Variants in ZXDC observed in about 807,000 individuals in gnomAD.
ZXDC encodes the protein zinc finger protein ZXDC.
ZXDC carries 58 observed loss-of-function variants against 63.6 expected under a neutral mutation model. The observed-to-expected ratio is 0.91, with a 90% CI of 0.74 to 1.13. ZXDC has a LOEUF of 1.13. Among genes scored for constraint, ZXDC ranks in the 50% most tolerant of loss-of-function variants. ZXDC has a pLI of 0.00. For missense variants in ZXDC, 1,133 were observed against 1,148.9 expected (o/e 0.99, Z 0.20); for synonymous variants, 561 against 496.1 (o/e 1.13, Z -1.74).
chr3:126,440,651 T>C, intron 8 of ZXDC: 1 of 986,320 alleles, frequency 1.0e-6, no homozygotes, highest in Non-Finnish European at 1.2e-6. Flanking sequence ...CCCCTGCTCC[T>C]GGGGAGTTCT....
chr3:126,438,797 G>A (rs1344634589), intron 9 of ZXDC, among the ~76,000 whole-genome samples: 4 of 152,266 alleles, frequency 2.6e-5, no homozygotes, highest in South Asian at 4.1e-4. Context: ...CAGGTATTAG[G>A]TGTCCGTCCG....
At chr3:126,443,857 T>C (rs150015398) in intron 7 of ZXDC, among the ~76,000 whole-genome samples, 67 of 152,336 alleles carry the variant, frequency 4.4e-4, no homozygotes, top group African/African-American at 1.4e-3. Context: ...AAACAAAATA[T>C]ATCAGAAACT....
intron 1 of ZXDC, 81 bp downstream of exon 1, chr3:126,474,877 AG>A (rs1016207504): frequency 1.4e-6 from 2 of 1,438,662 alleles, no homozygotes; most frequent in African/African-American, 2.8e-5. Context: ...AAGGTCTGGC[AG>A]GCCCCTCTGT....
At chr3:126,441,489 C>A in intron 8 of ZXDC, 1 of 1,212,614 alleles carries the variant, frequency 8.2e-7, no homozygotes, top group Non-Finnish European at 1.0e-6. Flanking sequence ...TACTCTGGGG[C>A]TAGACGCAGG....
intron 4 of ZXDC, among the ~76,000 whole-genome samples, chr3:126,470,693 T>C (rs562773137): frequency 2.0e-5 from 3 of 152,370 alleles, no homozygotes; most frequent in East Asian, 3.9e-4. Context: ...ATCAGGGCCA[T>C]GAGTCAAACT....
intron 7 of ZXDC, chr3:126,453,700 T>TC: frequency 1.0e-6 from 1 of 984,794 alleles, no homozygotes; most frequent in Non-Finnish European, 1.2e-6. Flanking sequence ...TTATTTTTTT[T>TC]CTTTTTTTTT....
At chr3:126,442,172 A>G (rs1933708993) in intron 7 of ZXDC, 2 of 456,698 alleles carry the variant, frequency 4.4e-6, no homozygotes, top group Non-Finnish European at 7.1e-6. Flanking sequence ...ATGTAAAAAC[A>G]TCATACGTAT....
intron 1 of ZXDC, among the ~76,000 whole-genome samples, chr3:126,473,250 A>T (rs78307249): frequency 1.2e-3 from 181 of 152,206 alleles, no homozygotes; most frequent in African/African-American, 4.1e-3. Context: ...CTGCCTTGGC[A>T]AGAACCCCCC....
In ZXDC at chr3:126,466,139, C is replaced by T. The variant is rs771967237; in HGVS notation, c.1441+16G>A. The stretch of plus-strand genomic sequence containing the variant: ...CAGGGAAGCAGCTCCCCATGGGGGC[C>T]GTGGAAAGTGCAGACCTTGGCGCCG... On this transcript the variant is annotated intron_variant, in intron 5 of 9. Coordinates refer to ENST00000389709, the MANE Select transcript of ZXDC (RefSeq NM_025112.5). 8.1e-6 allele frequency: 13 copies of T among 1,602,238 alleles called. No homozygotes were observed. Among genetic ancestry groups the T allele is most frequent in the South Asian group, 2.2e-5 (2 of 90,686 alleles).
Position 126,466,161 on chromosome 3 carries a change from G to T in ZXDC, c.1435C>A (p.Arg479Ser). The T allele has an allele frequency of 1.9e-6, 3 of 1,612,528 alleles. No individual in the cohort carries two copies. The highest frequency in any genetic ancestry group is 2.5e-6 in the Non-Finnish European group (3 of 1,179,074). Residue 479 changes from arginine (R) to serine (S), a missense_variant, in exon 5 of 10, where the codon CGC (arginine) becomes AGC (serine). By Grantham distance (110) the Arg-to-Ser change is moderately radical. Coordinates refer to ENST00000389709, the MANE Select transcript of ZXDC (RefSeq NM_025112.5). ...GGCCGTGGAAAGTGCAGACCTTGGC[G>T]CCGGCTGTGCTGTCTGACCATGTGC... ...KAHMVRQHSR[R>S]QDLLPQLEAP... is the part of the protein sequence containing the mutation.
intron 1 of ZXDC, 143 bp downstream of exon 1, chr3:126,474,816 A>C (rs1251889652): frequency 4.9e-6 from 5 of 1,014,056 alleles, no homozygotes; most frequent in Non-Finnish European, 7.0e-6. Flanking sequence ...ATCGAATGAC[A>C]TGGAAGGAGC....
At chr3:126,467,453 C>T (rs945115470) in intron 4 of ZXDC, among the ~76,000 whole-genome samples, 3 of 152,154 alleles carry the variant, frequency 2.0e-5, no homozygotes, top group Non-Finnish European at 4.4e-5. Flanking sequence ...GCAAGTGGTG[C>T]GAGCAACGAC....
At chr3:126,465,441 C>T (rs1303326662) in intron 5 of ZXDC, among the ~76,000 whole-genome samples, 1 of 152,230 alleles carries the variant, frequency 6.6e-6, no homozygotes, top group African/African-American at 2.4e-5. Context: ...CTCTCTAACC[C>T]TGCCCTCTCC....
intron 7 of ZXDC, 163 bp from the exon 8 acceptor site, chr3:126,442,109 G>A (rs1249403455): frequency 1.3e-6 from 1 of 764,268 alleles, no homozygotes; most frequent in African/African-American, 1.8e-5. Flanking sequence ...GAGTTAAGAG[G>A]TTGAAACAAA....
rs747068590 is a variant in ZXDC at position 126,438,386 on chromosome 3, C to T, written c.2566G>A (p.Asp856Asn). 3 of 1,613,198 alleles carry T rather than the reference C, an allele frequency of 1.9e-6. No individual in the cohort carries two copies. Among genetic ancestry groups the T allele is most frequent in the South Asian group, 1.1e-5 (1 of 90,724 alleles). ...QFPGSTINLQ[D>N]LQ ...GGCCGAGGCTGCCGTCACTGCAGAT[C>T]CTGCAGGTTGATAGTGCTTCCTGGG... Residue 856 changes from aspartate (D) to asparagine (N), a missense_variant, in exon 10 of 10, where the codon GAT becomes AAT. Physicochemically the swap from Asp to Asn is conservative, Grantham distance 23. Coordinates refer to ENST00000389709, the MANE Select transcript of ZXDC (RefSeq NM_025112.5).
intron 7 of ZXDC, among the ~76,000 whole-genome samples, chr3:126,455,990 A>C (rs1162292340): frequency 1.3e-5 from 2 of 151,180 alleles, no homozygotes. Flanking sequence ...ACAGAGCAAG[A>C]CTCCATCTCA....
intron 5 of ZXDC, among the ~76,000 whole-genome samples, chr3:126,463,830 T>A (rs1385324664): frequency 6.6e-6 from 1 of 152,216 alleles, no homozygotes; most frequent in East Asian, 1.9e-4. Flanking sequence ...TTTATATTTT[T>A]AATAATGCAA....
chr3:126,450,250 C>T (rs754658721), intron 7 of ZXDC: 39 of 441,334 alleles, frequency 8.8e-5, no homozygotes, highest in Middle Eastern at 6.7e-4. Flanking sequence ...ACCTTGGATG[C>T]GTAAGGGTCA....
At chr3:126,448,042 T>C (rs1933946765) in intron 7 of ZXDC, among the ~76,000 whole-genome samples, 1 of 152,142 alleles carries the variant, frequency 6.6e-6, no homozygotes, top group Non-Finnish European at 1.5e-5. Flanking sequence ...CTGCCTCAGC[T>C]TTCTCATCCA....
Sources: allele counts gnomAD v4.1 joint callset (sites outside exome capture counted in the v4.1 genomes callset), GRCh38; gene constraint gnomAD v4.1.1; transcripts MANE v1.5; gene names NCBI Gene and HGNC (gene_info 2026-07-23, HGNC 2026-07-21).